The following ADGRB3 variants were observed in gnomAD, a reference collection of about 807,000 sequenced individuals.
ADGRB3 encodes the protein brain-specific angiogenesis inhibitor 3.
In ADGRB3, 37 loss-of-function variants were observed where a neutral mutation model predicts 193.4. That is an observed-to-expected ratio of 0.19 (90% CI 0.15 to 0.25). The LOEUF is 0.25. Ranked by LOEUF, ADGRB3 falls within the 10% of genes least tolerant of loss-of-function variation. ADGRB3 has a pLI of 1.00. For synonymous variants in ADGRB3, 690 were observed against 644.2 expected (o/e 1.07, Z -1.08); for missense variants, 1,637 against 1,852.9 (o/e 0.88, Z 2.14).
intron 26 of ADGRB3, among the ~76,000 whole-genome samples, chr6:69,343,052 A>G (rs77288552): frequency 0.037 from 5,637 of 152,100 alleles, 177 homozygotes; most frequent in Admixed American, 0.094. Context: ...GGGGAAGAAT[A>G]TAGCCTTGAA....
chr6:68,657,308 G>T (rs960994853), intron 3 of ADGRB3, among the ~76,000 whole-genome samples: 1 of 151,344 alleles, frequency 6.6e-6, no homozygotes, highest in African/African-American at 2.4e-5. Flanking sequence ...TCTGTAGGGG[G>T]CAAAGGCTAT....
chr6:68,956,825 A>T lies in ADGRB3; in HGVS notation c.1525+16A>T. Reference sequence around the variant, plus strand: ...CGATGCCCTGGTGAGAATGAACCCAAATTATCCCAAAAGAAACATTTCATA... The same window carrying T: ...CGATGCCCTGGTGAGAATGAACCCATATTATCCCAAAAGAAACATTTCATA... On this transcript the variant is annotated intron_variant, in intron 8 of 31. Transcript: ENST00000370598. 1 of 1,601,092 alleles carries T rather than the reference A, an allele frequency of 6.2e-7. No individual in the cohort carries two copies. The highest frequency in any genetic ancestry group is 2.2e-5 in the East Asian group (1 of 44,526).
intron 3 of ADGRB3, among the ~76,000 whole-genome samples, chr6:68,679,837 AC>A (rs1259473010): frequency 6.6e-6 from 1 of 152,220 alleles, no homozygotes; most frequent in Non-Finnish European, 1.5e-5. Flanking sequence ...ATAATTGAGA[AC>A]AGTAAACACT....
In ADGRB3 at chr6:69,121,720, G is replaced by A. The variant is rs967714830; in HGVS notation, c.2480+45682G>A. Among the ~76,000 whole-genome samples the A allele has an allele frequency of 5.3e-5, 8 of 150,802 alleles. No homozygotes were observed. In the East Asian group the frequency reaches 6.0e-4, roughly 11 times the overall value. ...GATGGGGTGGCGGCCGGGCAGAGGC[G>A]CACCTCACATCCCAGATGATGGGCA... On this transcript the variant is annotated intron_variant, in intron 17 of 31. Coordinates refer to ENST00000370598, the MANE Select transcript of ADGRB3 (RefSeq NM_001704.3).
chr6:68,785,026 T>G (rs1184494843), intron 3 of ADGRB3, among the ~76,000 whole-genome samples: 2 of 152,114 alleles, frequency 1.3e-5, no homozygotes, highest in Non-Finnish European at 2.9e-5. Context: ...AATAACCATA[T>G]GAGAAAGGGA....
chr6:69,290,802 AT>A (rs894077133), intron 20 of ADGRB3, among the ~76,000 whole-genome samples: 1 of 152,166 alleles, frequency 6.6e-6, no homozygotes, highest in African/African-American at 2.4e-5. Flanking sequence ...GAAAATAATA[AT>A]TTTTAAAGAT....
Position 69,294,065 on chromosome 6 carries a change from C to T in ADGRB3, c.2815-30807C>T, listed in dbSNP as rs536715033. On this transcript the variant is annotated intron_variant, in intron 20 of 31. Transcript: ENST00000370598. The stretch of plus-strand genomic sequence containing the variant: ...ATGTATCACTGTTCCCTCTTCGTCT[C>T]CTCAGCCTTCTCTTACTTGCTTAAC... 1.2e-4 allele frequency among the ~76,000 whole-genome samples: 19 copies of T among 152,226 alleles called. No homozygotes were observed. In the South Asian group the frequency reaches 3.1e-3, roughly 25 times the overall value.
chr6:69,121,740 T>C (rs1427673937), intron 17 of ADGRB3, among the ~76,000 whole-genome samples: 1 of 140,432 alleles, frequency 7.1e-6, no homozygotes, highest in Non-Finnish European at 1.5e-5. Flanking sequence ...TCCCAGATGA[T>C]GGGCAGCCAG....
intron 3 of ADGRB3, among the ~76,000 whole-genome samples, chr6:68,751,917 A>G (rs1766207133): frequency 6.6e-6 from 1 of 152,360 alleles, no homozygotes; most frequent in South Asian, 2.1e-4. Flanking sequence ...AGGATGTGAT[A>G]TAGTGATATT....
At chr6:68,848,275 A>ACT (rs1273557615) in intron 3 of ADGRB3, among the ~76,000 whole-genome samples, 1 of 152,056 alleles carries the variant, frequency 6.6e-6, no homozygotes, top group Non-Finnish European at 1.5e-5. Flanking sequence ...TTTATCTTGC[A>ACT]CTCTGGTAAT....
At chr6:68,816,812 G>A (rs957367367) in intron 3 of ADGRB3, among the ~76,000 whole-genome samples, 3 of 152,030 alleles carry the variant, frequency 2.0e-5, no homozygotes, top group African/African-American at 7.2e-5. Flanking sequence ...GGCAAATCAG[G>A]AAATCTTTGT....
chr6:68,782,740 T>C (rs574250997), intron 3 of ADGRB3, among the ~76,000 whole-genome samples: 2 of 152,268 alleles, frequency 1.3e-5, no homozygotes, highest in South Asian at 2.1e-4. Context: ...TGAGCATTTT[T>C]TCATGTGTTT....
At chr6:69,313,527 T>A (rs1285507003) in intron 20 of ADGRB3, among the ~76,000 whole-genome samples, 2 of 151,798 alleles carry the variant, frequency 1.3e-5, no homozygotes, top group African/African-American at 4.8e-5. Context: ...GCTGCAAGAT[T>A]TTGTTTGCTT....
intron 13 of ADGRB3, among the ~76,000 whole-genome samples, chr6:69,026,067 G>A (rs1312512094): frequency 6.6e-6 from 1 of 152,162 alleles, no homozygotes; most frequent in African/African-American, 2.4e-5. Flanking sequence ...CAATTATTCA[G>A]TAAATATCTG....
At chr6:69,379,726 T>C (rs1266788346) in intron 30 of ADGRB3, among the ~76,000 whole-genome samples, 1 of 152,030 alleles carries the variant, frequency 6.6e-6, no homozygotes, top group Non-Finnish European at 1.5e-5. Context: ...GCAGCTGTTA[T>C]GTGATACTTC....
chr6:69,218,446 G>C (rs1478406940), intron 17 of ADGRB3, among the ~76,000 whole-genome samples: 2 of 152,132 alleles, frequency 1.3e-5, no homozygotes, highest in Admixed American at 6.6e-5. Context: ...AAGAGAAGGT[G>C]CATAAATGTG....
intron 3 of ADGRB3, among the ~76,000 whole-genome samples, chr6:68,715,978 A>T (rs1423287359): frequency 1.3e-5 from 2 of 151,654 alleles, no homozygotes; most frequent in African/African-American, 2.4e-5. Context: ...TTGAGATTTA[A>T]CCTGTCTAAA....
chr6:68,906,549 T>C (rs968188376), intron 3 of ADGRB3, among the ~76,000 whole-genome samples: 21 of 151,942 alleles, frequency 1.4e-4, no homozygotes, highest in African/African-American at 5.1e-4. Flanking sequence ...AAGTTGCTAA[T>C]AAAAATGGTC....
At chr6:68,640,792 A>G (rs771289074) in intron 3 of ADGRB3, among the ~76,000 whole-genome samples, 6 of 152,224 alleles carry the variant, frequency 3.9e-5, no homozygotes, top group Non-Finnish European at 8.8e-5. Flanking sequence ...CTGCAATTTA[A>G]GGGATGGGAA....
Sources: gnomAD v4.1 joint callset for allele counts (sites outside exome capture counted in the v4.1 genomes callset) on GRCh38, gnomAD v4.1.1 for gene constraint, MANE v1.5 for transcripts, NCBI Gene and HGNC (gene_info 2026-07-23, HGNC 2026-07-21) for gene names.